Variants in TRIM5 observed in about 807,000 individuals in gnomAD.
TRIM5 encodes the protein tripartite motif-containing protein 5.
In TRIM5, 31 loss-of-function variants were observed where a neutral mutation model predicts 35.6. The observed-to-expected ratio is 0.87, with a 90% CI of 0.65 to 1.18. The LOEUF is 1.18. Among genes scored for constraint, TRIM5 ranks in the 50% most tolerant of loss-of-function variants. TRIM5 has a pLI of 0.00. For missense variants in TRIM5, 609 were observed against 591.6 expected (o/e 1.03, Z -0.31); for synonymous variants, 243 against 215.6 (o/e 1.13, Z -1.11).
chr11:5,617,765 C>T, the TRIM5 span, among the ~76,000 whole-genome samples: 6 of 151,576 alleles, frequency 4.0e-5, no homozygotes, highest in African/African-American at 1.5e-4. Flanking sequence ...GCTGGAATTA[C>T]AGGCTTGGGC....
rs1564907457 is a variant in TRIM5, at chr11:5,666,234, GCAAA to G, written c.768-157_768-154del. ...AGAGTGCAAACTCTTGACCCTGGAG[GCAAA>G]CAAAATGTTCTCATGTTTGCCTTCC... On this transcript the variant is annotated intron_variant, in intron 5 of 7. Coordinates refer to ENST00000380034, the MANE Select transcript of TRIM5 (RefSeq NM_033034.3). 5.7e-6 allele frequency: 4 copies of G among 707,720 alleles called. No homozygotes were observed. The Admixed American group carries it at 8.8e-5, about 16-fold the overall frequency. 43.8% of individuals were successfully genotyped at this position (707,720 alleles called of 1,614,324 possible).
the TRIM5 span, among the ~76,000 whole-genome samples, chr11:5,592,354 T>A: frequency 6.6e-6 from 1 of 152,188 alleles, no homozygotes; most frequent in African/African-American, 2.4e-5. Flanking sequence ...CTTGCATATT[T>A]AGTCTTCACA....
chr11:5,643,437 G>A, the TRIM5 span: 1 of 1,614,154 alleles, frequency 6.2e-7, no homozygotes. Context: ...TGGCTACTGG[G>A]TTATAGGGTT....
At chr11:5,681,894 G>T (rs1415535853) in intron 1 of TRIM5, among the ~76,000 whole-genome samples, 1 of 152,020 alleles carries the variant, frequency 6.6e-6, no homozygotes, top group Non-Finnish European at 1.5e-5. Context: ...TGCCTCCCAG[G>T]TTCCAGTGAC....
intron 4 of TRIM5, among the ~76,000 whole-genome samples, chr11:5,669,294 G>C (rs542819290): frequency 1.3e-4 from 19 of 151,802 alleles, no homozygotes; most frequent in African/African-American, 4.6e-4. Context: ...TGGTCGGGCT[G>C]GTCTTGAACT....
the TRIM5 span, among the ~76,000 whole-genome samples, chr11:5,628,805 G>GAT: frequency 2.8e-4 from 27 of 95,374 alleles, no homozygotes; most frequent in Non-Finnish European, 6.9e-4. Flanking sequence ...CGGCAAAGTT[G>GAT]ATTTTTTTTT....
intron 2 of TRIM5, among the ~76,000 whole-genome samples, 159 bp downstream of exon 2, chr11:5,679,602 A>G (rs928235677): frequency 6.6e-6 from 1 of 152,072 alleles, no homozygotes; most frequent in African/African-American, 2.4e-5. Flanking sequence ...TGAAATGCAA[A>G]AAACCATCCT....
intron 4 of TRIM5, among the ~76,000 whole-genome samples, chr11:5,677,016 G>A (rs1263246751): frequency 6.6e-6 from 1 of 152,132 alleles, no homozygotes; most frequent in Non-Finnish European, 1.5e-5. Flanking sequence ...GAAAACCTAG[G>A]CAGTACCATT....
the TRIM5 span, among the ~76,000 whole-genome samples, chr11:5,615,388 A>G: frequency 6.6e-6 from 1 of 152,148 alleles, no homozygotes; most frequent in African/African-American, 2.4e-5. Flanking sequence ...CTGCAATTCT[A>G]TGAGATTTTG....
At chr11:5,599,557 C>T in the TRIM5 span, among the ~76,000 whole-genome samples, 1 of 152,156 alleles carries the variant, frequency 6.6e-6, no homozygotes. Context: ...GCATCCGCCA[C>T]TACACCCAGC....
At chr11:5,656,395 C>T in the TRIM5 span, among the ~76,000 whole-genome samples, 6 of 150,922 alleles carry the variant, frequency 4.0e-5, no homozygotes, top group East Asian at 1.2e-3. Flanking sequence ...GCTCTGTTGC[C>T]CACACCAGAG....
In TRIM5 at chr11:5,663,472, C is replaced by T. The variant is rs1292629269; in HGVS notation, c.*1337G>A. On this transcript the variant is annotated 3_prime_UTR_variant, in exon 8 of 8. Coordinates refer to ENST00000380034, the MANE Select transcript of TRIM5 (RefSeq NM_033034.3). ...AATCCAATCCTAGTTTCCCTGAAGG[C>T]ACAACCTGTTCCATGAGACATTAAC... is the stretch of plus-strand genomic sequence containing the variant. The T allele has an allele frequency of 2.0e-6, 2 of 985,190 alleles. No homozygotes were observed. The highest frequency in any genetic ancestry group is 1.2e-6 in the Non-Finnish European group (1 of 829,856). The allele number at this position is 985,190 out of a possible 1,614,324, so 61.0% of individuals were successfully genotyped here.
chr11:5,634,881 C>A, the TRIM5 span: 2 of 1,605,508 alleles, frequency 1.2e-6, no homozygotes, highest in South Asian at 1.1e-5. Flanking sequence ...TTCGCTCAAT[C>A]TGAGATTCTG....
intron 4 of TRIM5, among the ~76,000 whole-genome samples, chr11:5,676,458 G>A (rs1055240079): frequency 6.6e-6 from 1 of 152,084 alleles, no homozygotes; most frequent in African/African-American, 2.4e-5. Flanking sequence ...AATAAAAGAG[G>A]ATACAAACAA....
At chr11:5,646,100 T>A in the TRIM5 span, among the ~76,000 whole-genome samples, 2 of 135,956 alleles carry the variant, frequency 1.5e-5, no homozygotes, top group African/African-American at 2.7e-5. Flanking sequence ...ACATGTATAT[T>A]ATATAAATAT....
At chr11:5,603,265 A>G in the TRIM5 span, 40 of 1,613,768 alleles carry the variant, frequency 2.5e-5, no homozygotes, top group African/African-American at 4.9e-4. Context: ...GGCAGGAAAC[A>G]TCTTAGAAAT....
chr11:5,608,278 G>T, the TRIM5 span: 1 of 1,553,736 alleles, frequency 6.4e-7, no homozygotes, highest in Non-Finnish European at 8.7e-7. Context: ...ATCTTTATTT[G>T]TATCATATCA....
chr11:5,635,167 T>C, the TRIM5 span, among the ~76,000 whole-genome samples: 1 of 152,190 alleles, frequency 6.6e-6, no homozygotes, highest in Non-Finnish European at 1.5e-5. Flanking sequence ...ACACATGCAT[T>C]TTCAGGTTTA....
the TRIM5 span, among the ~76,000 whole-genome samples, chr11:5,592,990 T>C: frequency 7.1e-6 from 1 of 141,760 alleles, no homozygotes; most frequent in Non-Finnish European, 1.6e-5. Flanking sequence ...ACAAGAAGGA[T>C]GGAAAAAAGA....
Sources: gnomAD v4.1 joint callset for allele counts (sites outside exome capture counted in the v4.1 genomes callset) on GRCh38, gnomAD v4.1.1 for gene constraint, MANE v1.5 for transcripts, NCBI Gene and HGNC (gene_info 2026-07-23, HGNC 2026-07-21) for gene names.